Variants in HDAC4 observed in about 807,000 individuals in gnomAD.
HDAC4 encodes histone deacetylase A.
A neutral mutation model predicts 135.1 loss-of-function variants in HDAC4; 16 were observed. The observed-to-expected ratio is 0.12, with a 90% CI of 0.08 to 0.18. The LOEUF is 0.18. HDAC4 is among the 10% of genes least tolerant of loss of function. The pLI, the probability that HDAC4 is intolerant of heterozygous loss-of-function variation, is 1.00. For missense variants in HDAC4, 1,143 were observed against 1,511.8 expected, an observed-to-expected ratio of 0.76 and a Z score of 4.05; for synonymous variants, 685 against 653.4, an observed-to-expected ratio of 1.05 and a Z score of -0.74.
At chr2:239,054,985 A>C in intron 24 of HDAC4, 152 bp from the exon 25 acceptor site, 1 of 654,348 alleles carries the variant, frequency 1.5e-6, no homozygotes, top group South Asian at 1.6e-5. Flanking sequence ...TTAAAAAGCC[A>C]AATGTGCCGT....
chr2:239,121,635 C>T (rs191157930), intron 12 of HDAC4, among the ~76,000 whole-genome samples: 4 of 152,362 alleles, frequency 2.6e-5, no homozygotes, highest in East Asian at 3.9e-4. Context: ...CCCCCGCTGC[C>T]GCACGCCCCT....
At chr2:239,103,522 G>A (rs1369931795) in intron 15 of HDAC4, among the ~76,000 whole-genome samples, 2 of 152,354 alleles carry the variant, frequency 1.3e-5, no homozygotes, top group East Asian at 1.9e-4. Flanking sequence ...TAAAGGGGAC[G>A]ATGGCTTTGG....
At chr2:239,311,573 C>A (rs1195136024) in intron 2 of HDAC4, among the ~76,000 whole-genome samples, 2 of 152,082 alleles carry the variant, frequency 1.3e-5, no homozygotes, top group Non-Finnish European at 1.5e-5. Context: ...GAATGGAGGC[C>A]GCTGTCATTA....
At chr2:239,252,390 T>C (rs1279213547) in intron 2 of HDAC4, among the ~76,000 whole-genome samples, 3 of 152,242 alleles carry the variant, frequency 2.0e-5, no homozygotes, top group Admixed American at 6.5e-5. Context: ...GCCTATGCCA[T>C]GGACATGGCC....
chr2:239,191,525 G>A (rs1430096760), intron 3 of HDAC4, among the ~76,000 whole-genome samples: 1 of 152,216 alleles, frequency 6.6e-6, no homozygotes, highest in Non-Finnish European at 1.5e-5. Flanking sequence ...CAAACCACTG[G>A]AGGTCCTGGT....
At chr2:239,150,391 A>AAT (rs2042037150) in intron 7 of HDAC4, among the ~76,000 whole-genome samples, 1 of 152,098 alleles carries the variant, frequency 6.6e-6, no homozygotes, top group Admixed American at 6.5e-5. Context: ...ACAAACACAG[A>AAT]AACGCACACA....
At chr2:239,133,032 C>T (rs115292292) in intron 11 of HDAC4, among the ~76,000 whole-genome samples, 4 of 152,168 alleles carry the variant, frequency 2.6e-5, no homozygotes, top group African/African-American at 2.4e-5. Context: ...CGTTACACCA[C>T]GGGCTCCTCT....
intron 1 of HDAC4, among the ~76,000 whole-genome samples, chr2:239,371,305 ACT>A (rs1432728831): frequency 5.9e-5 from 9 of 152,036 alleles, no homozygotes; most frequent in Admixed American, 2.0e-4. Context: ...ACTCACACAC[ACT>A]CTCACATAAC....
intron 2 of HDAC4, among the ~76,000 whole-genome samples, chr2:239,296,792 G>T (rs539825136): frequency 6.6e-6 from 1 of 152,100 alleles, no homozygotes; most frequent in Non-Finnish European, 1.5e-5. Context: ...ACCTCCGCCC[G>T]GGAGATTCTT....
At chr2:239,083,481 C>T (rs1397007292) in intron 20 of HDAC4, among the ~76,000 whole-genome samples, 1 of 152,202 alleles carries the variant, frequency 6.6e-6, no homozygotes, top group Non-Finnish European at 1.5e-5. Flanking sequence ...CAAATCATAA[C>T]CCTACCTGAC....
intron 3 of HDAC4, among the ~76,000 whole-genome samples, chr2:239,213,833 A>T (rs1246408707): frequency 6.6e-6 from 1 of 152,216 alleles, no homozygotes; most frequent in East Asian, 1.9e-4. Context: ...CCTGCCCTCC[A>T]TGAGTACACA....
chr2:239,259,709 G>A (rs1295726376), intron 2 of HDAC4, among the ~76,000 whole-genome samples: 1 of 152,232 alleles, frequency 6.6e-6, no homozygotes, highest in Non-Finnish European at 1.5e-5. Flanking sequence ...ATAGACCGAA[G>A]TGACAAAACC....
intron 6 of HDAC4, among the ~76,000 whole-genome samples, chr2:239,161,353 AT>A (rs1354874477): frequency 6.6e-6 from 1 of 152,048 alleles, no homozygotes; most frequent in Non-Finnish European, 1.5e-5. Flanking sequence ...GACCTAAGAA[AT>A]CTTGCCTCCC....
chr2:239,334,391 T>C (rs138037621), intron 2 of HDAC4, among the ~76,000 whole-genome samples: 244 of 152,158 alleles, frequency 1.6e-3, no homozygotes, highest in African/African-American at 5.7e-3. Context: ...CATGGTGGCA[T>C]GTGCCTGTAA....
intron 15 of HDAC4, among the ~76,000 whole-genome samples, chr2:239,106,735 C>A (rs1434017059): frequency 1.4e-5 from 1 of 70,688 alleles, no homozygotes; most frequent in Non-Finnish European, 4.1e-5. Flanking sequence ...ATCCCAGCTT[C>A]TAAAGGAGGG....
chr2:239,279,812 C>T (rs373512717), intron 2 of HDAC4, among the ~76,000 whole-genome samples: 1 of 152,230 alleles, frequency 6.6e-6, no homozygotes, highest in Non-Finnish European at 1.5e-5. Flanking sequence ...GTGGAAACCG[C>T]GCCCTCAGGA....
intron 2 of HDAC4, among the ~76,000 whole-genome samples, chr2:239,260,374 G>C (rs1401725890): frequency 4.6e-5 from 7 of 152,204 alleles, no homozygotes; most frequent in Non-Finnish European, 1.0e-4. Context: ...TCATAAAATG[G>C]GAAGGACAAC....
At chr2:239,223,828 G>T (rs1200453898) in intron 3 of HDAC4, among the ~76,000 whole-genome samples, 2 of 151,440 alleles carry the variant, frequency 1.3e-5, no homozygotes, top group African/African-American at 4.9e-5. Context: ...GGTAGAAGAT[G>T]CATGCCAGCA....
intron 12 of HDAC4, among the ~76,000 whole-genome samples, chr2:239,125,338 A>G (rs1223546645): frequency 6.6e-6 from 1 of 152,144 alleles, no homozygotes; most frequent in Admixed American, 6.5e-5. Context: ...TGCTCTTGCC[A>G]AGTGATGTGC....
Sources: allele counts gnomAD v4.1 joint callset (sites outside exome capture counted in the v4.1 genomes callset), GRCh38; gene constraint gnomAD v4.1.1; transcripts MANE v1.5; gene names NCBI Gene and HGNC (gene_info 2026-07-23, HGNC 2026-07-21).